The following CUX1 variants were observed in gnomAD, a reference collection of about 807,000 sequenced individuals.
The protein encoded by CUX1 is cut like homeobox 1, also known as protein CASP.
In CUX1, 31 loss-of-function variants were observed where a neutral mutation model predicts 158.8. That is an observed-to-expected ratio of 0.20 (90% confidence interval 0.15 to 0.26). CUX1 has a LOEUF of 0.26. CUX1 is among the 10% of genes least tolerant of loss of function. The probability of loss-of-function intolerance (pLI) is 1.00; values close to 1 mark genes in which losing one functional copy is unlikely to be tolerated. For missense variants in CUX1, 1,589 were observed against 2,014.6 expected (o/e 0.79, Z 4.04); for synonymous variants, 879 against 862.1 (o/e 1.02, Z -0.34).
chr7:101,831,734 T>TTTTTTATTA (rs1794040488), intron 1 of CUX1, among the ~76,000 whole-genome samples: 1 of 147,362 alleles, frequency 6.8e-6, no homozygotes, highest in Non-Finnish European at 1.5e-5. Context: ...GAGAAATAAC[T>TTTTTTATTA]TTATTATTAT....
intron 1 of CUX1, among the ~76,000 whole-genome samples, chr7:101,846,372 G>A (rs1243523962): frequency 1.3e-5 from 2 of 151,744 alleles, no homozygotes; most frequent in African/African-American, 4.8e-5. Flanking sequence ...AGGCAGGAGT[G>A]CAGTGGTGCA....
At chr7:101,975,772 G>A (rs1262134766) in intron 2 of CUX1, among the ~76,000 whole-genome samples, 1 of 152,306 alleles carries the variant, frequency 6.6e-6, no homozygotes, top group African/African-American at 2.4e-5. Context: ...TATCTCCTGT[G>A]TAAATTACCT....
At position 102,255,943 on chromosome 7, in the gene CUX1, G is replaced by A. The variant is rs946527422; in HGVS notation, c.*6901G>A. 12 of 985,124 alleles carry A rather than the reference G, an allele frequency of 1.2e-5. No homozygotes were observed. The South Asian group carries it at 1.4e-4, about 12-fold the overall frequency. The allele number at this position is 985,124 out of a possible 1,614,324, so 61.0% of individuals were successfully genotyped here. A position where few individuals can be genotyped will look rare whatever the true frequency, so the allele number is the denominator to read the frequency against. ...TTTTTCTTCATTTTAAAAAAATAAC[G>A]TATTGCACACCAAATGAACTCAAAG... On this transcript the variant is annotated 3_prime_UTR_variant, in exon 24 of 24. Transcript: ENST00000292535.
chr7:102,167,640 T>C (rs1258790607), intron 9 of CUX1, among the ~76,000 whole-genome samples: 1 of 152,236 alleles, frequency 6.6e-6, no homozygotes, highest in Non-Finnish European at 1.5e-5. Context: ...CTTAGATATT[T>C]TCTGCCCAAG....
At chr7:102,035,285 G>C (rs1821298335) in intron 3 of CUX1, among the ~76,000 whole-genome samples, 2 of 152,028 alleles carry the variant, frequency 1.3e-5, no homozygotes. Context: ...CCGTTTGTCA[G>C]TTTCAGTACA....
intron 1 of CUX1, among the ~76,000 whole-genome samples, chr7:101,911,857 C>G (rs1267744222): frequency 6.6e-6 from 1 of 152,228 alleles, no homozygotes; most frequent in Non-Finnish European, 1.5e-5. Context: ...GGGACTGAAA[C>G]CTGACCCATG....
intron 3 of CUX1, among the ~76,000 whole-genome samples, chr7:102,068,146 C>G (rs1226347803): frequency 6.6e-6 from 1 of 151,776 alleles, no homozygotes; most frequent in African/African-American, 2.4e-5. Context: ...GGCTGGAGTG[C>G]AGTTGTACGA....
At chr7:102,231,745 G>A (rs374139724) in intron 21 of CUX1, among the ~76,000 whole-genome samples, 14 of 140,556 alleles carry the variant, frequency 1.0e-4, no homozygotes, top group African/African-American at 3.2e-4. Context: ...ATGGAGTCTC[G>A]CTCTGTCACC....
At chr7:102,005,382 G>A (rs1563119180) in intron 2 of CUX1, among the ~76,000 whole-genome samples, 1 of 152,190 alleles carries the variant, frequency 6.6e-6, no homozygotes, top group Non-Finnish European at 1.5e-5. Context: ...CATCCAGGCT[G>A]GAGTGCAGTA....
chr7:101,982,895 C>T (rs1452928948), intron 2 of CUX1, among the ~76,000 whole-genome samples: 1 of 139,626 alleles, frequency 7.2e-6, no homozygotes, highest in African/African-American at 2.7e-5. Flanking sequence ...TGACAAGCCC[C>T]GGTGTGTGAT....
At chr7:102,158,456 C>T in intron 8 of CUX1, 104 bp from the exon 9 acceptor site, 1 of 1,122,370 alleles carries the variant, frequency 8.9e-7, no homozygotes, top group Non-Finnish European at 1.3e-6. Flanking sequence ...ACTCACGGGT[C>T]TGCACAGCCC....
chr7:102,111,814 G>A (rs782772454), intron 7 of CUX1, 40 bp downstream of exon 7: 1 of 1,583,958 alleles, frequency 6.3e-7, no homozygotes, highest in Non-Finnish European at 8.7e-7. Flanking sequence ...ATGTGGGGAG[G>A]ACCCAGGGGG....
chr7:102,176,150 C>T (rs557513072), intron 10 of CUX1, among the ~76,000 whole-genome samples: 1 of 152,342 alleles, frequency 6.6e-6, no homozygotes, highest in South Asian at 2.1e-4. Flanking sequence ...GGAAGGAGTA[C>T]CCTCTTTGCA....
chr7:102,208,830 GT>G (rs1796212118), intron 20 of CUX1, among the ~76,000 whole-genome samples: 1 of 152,226 alleles, frequency 6.6e-6, no homozygotes, highest in Admixed American at 6.5e-5. Context: ...TAGAACCAAT[GT>G]CTGCAGAAAG....
In CUX1 at chr7:102,201,550, G is replaced by A; in HGVS notation, c.2253G>A (p.Met751Ile). The change falls in exon 18 of 24, where the codon ATG (methionine) becomes ATA (isoleucine). Residue 751 changes from methionine (M) to isoleucine (I), a missense_variant. Coordinates refer to ENST00000292535, the MANE Select transcript of CUX1 (RefSeq NM_181552.4). The surrounding 1 kb of genome is among the most constrained non-coding windows in gnomAD (Gnocchi z 5.0). ...LTPKLLSTSP[M>I]PTVSSYPPLA... ...CCAAGCTTCTGTCCACCTCGCCCAT[G>A]CCCACCGTGTCCAGCTACCCACCTC... 1.9e-6 allele frequency: 3 copies of A among 1,614,106 alleles called. No homozygotes were observed. Among genetic ancestry groups the A allele is most frequent in the African/African-American group, 2.7e-5 (2 of 75,034 alleles).
At chr7:102,058,993 C>T (rs1446369232) in intron 3 of CUX1, among the ~76,000 whole-genome samples, 1 of 152,200 alleles carries the variant, frequency 6.6e-6, no homozygotes, top group African/African-American at 2.4e-5. Context: ...CCAGCACCTC[C>T]TTCCTCTGAA....
chr7:102,101,978 A>T (rs1554486576), intron 5 of CUX1, among the ~76,000 whole-genome samples: 6 of 151,892 alleles, frequency 4.0e-5, no homozygotes, highest in Non-Finnish European at 1.5e-5. Context: ...TTGACGTAGC[A>T]GAGCAGTTCA....
intron 3 of CUX1, among the ~76,000 whole-genome samples, chr7:102,041,117 T>G (rs1268539514): frequency 6.6e-6 from 1 of 150,830 alleles, no homozygotes; most frequent in African/African-American, 2.4e-5. Flanking sequence ...TGAAACCCTG[T>G]CTCTACTAAA....
chr7:102,092,624 C>A lies in CUX1; in HGVS notation c.269-4740C>A, dbSNP rs150706650. 1.5e-3 allele frequency among the ~76,000 whole-genome samples: 224 copies of A among 152,200 alleles called. 1 individual carries two copies. The highest frequency in any genetic ancestry group is 5.2e-3 in the African/African-American group (217 of 41,528). On this transcript the variant is annotated intron_variant, in intron 4 of 23. Coordinates refer to ENST00000292535, the MANE Select transcript of CUX1 (RefSeq NM_181552.4). ...TTGAAAATATCATGAGTCAAAAATG[C>A]ATTTAGGCCGGGTGTGGTGGCTCAT...
Sources: gnomAD v4.1 joint callset for allele counts (sites outside exome capture counted in the v4.1 genomes callset) on GRCh38, gnomAD v4.1.1 for gene constraint, Gnocchi (gnomAD v3.1) non-coding constraint, MANE v1.5 for transcripts, NCBI Gene and HGNC (gene_info 2026-07-23, HGNC 2026-07-21) for gene names.